Variants in MUC22 observed in about 807,000 individuals in gnomAD.
MUC22 encodes mucin-22.
In MUC22, 24 loss-of-function variants were observed where a neutral mutation model predicts 40.3. The ratio of observed to expected loss-of-function variants is 0.60; its 90% CI spans 0.43 to 0.84. The LOEUF is 0.84. Ranked by LOEUF, MUC22 falls within the 40% of genes least tolerant of loss-of-function variation. MUC22 has a pLI of 0.00. For missense variants in MUC22, 1,926 were observed against 2,130.7 expected (o/e 0.90, Z 1.89); for synonymous variants, 765 against 844.5 (o/e 0.91, Z 1.63).
At chr6:31,018,547 T>G (rs1465690963) in intron 1 of MUC22, among the ~76,000 whole-genome samples, 1 of 152,268 alleles carries the variant, frequency 6.6e-6, no homozygotes, top group African/African-American at 2.4e-5. Context: ...TCTGCTGTTA[T>G]CTCTCCATCG....
chr6:31,026,263 A>G, exon 2 of MUC22: 1 of 1,338,730 alleles, frequency 7.5e-7, no homozygotes, highest in Non-Finnish European at 1.0e-6. Flanking sequence ...CTCTGAGACC[A>G]CTACAATCCT....
At chr6:31,026,534 T>C (rs1406469300) in exon 2 of MUC22, 2 of 1,482,866 alleles carry the variant, frequency 1.3e-6, no homozygotes, top group South Asian at 1.2e-5. Context: ...GAGACCACCA[T>C]GGTCTCTGCC....
intron 3 of MUC22, among the ~76,000 whole-genome samples, chr6:31,033,532 C>G (rs1478372834): frequency 6.6e-6 from 1 of 152,282 alleles, no homozygotes; most frequent in Middle Eastern, 3.4e-3. Flanking sequence ...TTTCTTACAT[C>G]GATTTCACAT....
upstream of MUC22, among the ~76,000 whole-genome samples, chr6:31,008,645 T>G (rs1218310339): frequency 1.3e-5 from 2 of 149,816 alleles, no homozygotes; most frequent in Non-Finnish European, 3.0e-5. Context: ...GCCTCCCGGG[T>G]TCAAGCAATT....
chr6:31,029,511 C>A, exon 2 of MUC22: 1 of 1,533,176 alleles, frequency 6.5e-7, no homozygotes, highest in South Asian at 1.2e-5. Flanking sequence ...CAGTCTATAT[C>A]ACAGGCTCTA....
At chr6:31,018,990 A>G (rs190048835) in intron 1 of MUC22, among the ~76,000 whole-genome samples, 7 of 152,356 alleles carry the variant, frequency 4.6e-5, no homozygotes, top group African/African-American at 1.7e-4. Flanking sequence ...AGTCAGCTTC[A>G]TGGCTTTAAA....
Position 31,026,769 on chromosome 6 carries a change from C to T in MUC22, c.1338C>T (p.Thr446=), listed in dbSNP as rs1431563155. The stretch of plus-strand genomic sequence containing the variant: ...CACCCTCTACTGCAGGCTCAGAGAC[C>T]ACCACAGTCTCTACTGCAGGCTCTG... Residue 446 remains threonine (T), a synonymous_variant, in exon 2 of 4, where the codon ACC becomes ACT. Transcript: ENST00000561890. 4.6e-6 allele frequency: 7 copies of T among 1,511,274 alleles called. 2 individuals carry two copies. In the Admixed American group the frequency reaches 1.2e-4, roughly 26 times the overall value. The allele number at this position is 1,511,274 out of a possible 1,614,324, so 93.6% of individuals were successfully genotyped here.
In MUC22 at chr6:31,032,690, C is replaced by T. The variant is rs1237120869; in HGVS notation, c.5055+109C>T. 10 of 1,206,558 alleles carry T rather than the reference C, an allele frequency of 8.3e-6. No individual in the cohort carries two copies. The highest frequency in any genetic ancestry group is 1.6e-5 in the South Asian group (1 of 64,104). The allele number at this position is 1,206,558 out of a possible 1,614,324, so 74.7% of individuals were successfully genotyped here. On this transcript the variant is annotated intron_variant, in intron 3 of 3. Transcript: ENST00000561890. The surrounding 1 kb of genome is among the most constrained non-coding windows in gnomAD (Gnocchi z 4.1). ...AATGAGAAAGGGGAGTAAGTTGGTG[C>T]GCTCAGAAGGAAAGAATCACCTAGC...
chr6:31,010,773 C>T (rs2150739093), exon 1 of MUC22: 1 of 702,528 alleles, frequency 1.4e-6, no homozygotes, highest in South Asian at 1.5e-5. Context: ...ACTTCTGGGA[C>T]CCAGTAAGTG....
Position 31,032,440 on chromosome 6 carries a change from C to G in MUC22, c.4914C>G (p.Gly1638=). 1 of 1,535,732 alleles carries G rather than the reference C, an allele frequency of 6.5e-7. No homozygotes were observed. Among genetic ancestry groups the G allele is most frequent in the Non-Finnish European group, 8.7e-7 (1 of 1,146,920 alleles). The change falls in exon 3 of 4, where the codon GGC becomes GGG. Residue 1638 remains glycine, a synonymous_variant. Coordinates refer to ENST00000561890, the Ensembl canonical transcript of MUC22. This position sits in a 1 kb window ranked among gnomAD's most constrained non-coding sequence, Gnocchi z 4.1. ...AGGAAACAGGCCCGGTGTCCATGGG[C>G]ACAAACACAGTTAGCATGAGCCACA...
At chr6:31,035,117 CCATGGAGATGGA>C in exon 4 of MUC22, 1 of 682,658 alleles carries the variant, frequency 1.5e-6, no homozygotes, top group Non-Finnish European at 2.4e-6. Context: ...AGGATGTGAT[CCATGGAGATGGA>C]CATGGACTAG....
chr6:31,032,248 C>G lies in MUC22; in HGVS notation c.4722C>G (p.Ala1574=). The change falls in exon 3 of 4, where the codon GCC becomes GCG. Residue 1574 remains alanine (A), a synonymous_variant. Coordinates refer to ENST00000561890, the Ensembl canonical transcript of MUC22. The surrounding 1 kb of genome is among the most constrained non-coding windows in gnomAD (Gnocchi z 4.1). The stretch of plus-strand genomic sequence containing the variant: ...CTGCCTCCAGCTCTGTCACCATGGC[C>G]CCTGGAATGGACTTCACGGCCTCTG... 1 of 1,535,632 alleles carries G rather than the reference C, an allele frequency of 6.5e-7. No individual in the cohort carries two copies. Among genetic ancestry groups the G allele is most frequent in the Non-Finnish European group, 8.7e-7 (1 of 1,146,882 alleles).
chr6:31,022,034 T>A (rs1764832439), intron 1 of MUC22, among the ~76,000 whole-genome samples: 1 of 151,838 alleles, frequency 6.6e-6, no homozygotes, highest in Non-Finnish European at 1.5e-5. Context: ...CGCATGGGCT[T>A]AAGAGTTGCT....
intron 1 of MUC22, among the ~76,000 whole-genome samples, chr6:31,021,983 G>GCGAGCCCA (rs1229221663): frequency 2.0e-5 from 3 of 152,088 alleles, no homozygotes; most frequent in Non-Finnish European, 2.9e-5. Flanking sequence ...CCTGAAGCCA[G>GCGAGCCCA]CGAGCCCACG....
upstream of MUC22, chr6:31,006,092 G>A (rs1394797551): frequency 5.4e-6 from 2 of 369,394 alleles, no homozygotes. Flanking sequence ...GGTCGACAGA[G>A]CGAGACTCCG....
intron 1 of MUC22, among the ~76,000 whole-genome samples, chr6:31,020,467 G>C (rs1764596582): frequency 9.7e-6 from 1 of 103,580 alleles, no homozygotes; most frequent in Non-Finnish European, 2.1e-5. Context: ...TTTTGATACG[G>C]AGTTTCGCTC....
At chr6:31,007,747 G>A (rs778592708), upstream of MUC22, among the ~76,000 whole-genome samples, 3 of 152,088 alleles carry the variant, frequency 2.0e-5, no homozygotes, top group Admixed American at 1.3e-4. This position sits in a 1 kb window ranked among gnomAD's most constrained non-coding sequence, Gnocchi z 4.0. Flanking sequence ...TACTCTGTGC[G>A]AAACTAATCT....
intron 1 of MUC22, among the ~76,000 whole-genome samples, chr6:31,015,727 A>C (rs3871465): frequency 0.39 from 58,601 of 151,982 alleles, 11,516 homozygotes; most frequent in East Asian, 0.47. Context: ...CATTCTTTTT[A>C]TTCTGGAGGA....
At position 31,026,214 on chromosome 6, in the gene MUC22, CGCT is replaced by C; in HGVS notation, c.786_788del (p.Ala263del). The C allele has an allele frequency of 1.3e-6, 2 of 1,521,082 alleles. 1 individual carries two copies. Among genetic ancestry groups the C allele is most frequent in the South Asian group, 2.4e-5 (2 of 83,422 alleles). 94.2% of individuals were successfully genotyped at this position (1,521,082 alleles called of 1,614,324 possible). On this transcript the variant is annotated inframe_deletion, in exon 2 of 4. Coordinates refer to ENST00000561890, the Ensembl canonical transcript of MUC22. ...TGAGCTCTGAGACCACTGTGGCCCC[CGCT>C]GCAGGCTCTAACACCACCACAGCCT...
Sources: allele counts gnomAD v4.1 joint callset (sites outside exome capture counted in the v4.1 genomes callset), GRCh38; gene constraint gnomAD v4.1.1; non-coding constraint Gnocchi (gnomAD v3.1); transcripts MANE v1.5; gene names NCBI Gene and HGNC (gene_info 2026-07-23, HGNC 2026-07-21).